PMFBP1: variants seen among roughly 807,000 people sequenced by gnomAD.
The protein encoded by PMFBP1 is polyamine-modulated factor 1-binding protein 1.
A neutral mutation model predicts 137.8 loss-of-function variants in PMFBP1; 131 were observed. That is an observed-to-expected ratio of 0.95 (90% CI 0.82 to 1.10). PMFBP1 has a LOEUF of 1.10. PMFBP1 is among the 50% of genes least tolerant of loss of function. PMFBP1 has a pLI of 0.00. For synonymous variants in PMFBP1, 490 were observed against 450.4 expected (o/e 1.09, Z -1.11); for missense variants, 1,199 against 1,175.4 (o/e 1.02, Z -0.29).
At chr16:72,191,373 G>A in the PMFBP1 span, among the ~76,000 whole-genome samples, 17 of 152,334 alleles carry the variant, frequency 1.1e-4, no homozygotes, top group South Asian at 2.5e-3. Flanking sequence ...TCAGGCACAT[G>A]CCACTAAAAA....
At chr16:72,192,669 G>A in the PMFBP1 span, among the ~76,000 whole-genome samples, 1 of 151,932 alleles carries the variant, frequency 6.6e-6, no homozygotes, top group African/African-American at 2.4e-5. Context: ...AGGCAGATCA[G>A]GAGATCAAGA....
the PMFBP1 span, among the ~76,000 whole-genome samples, chr16:72,194,631 G>A: frequency 1.3e-5 from 2 of 152,286 alleles, no homozygotes; most frequent in East Asian, 1.9e-4. Context: ...GTGGTATCTC[G>A]TGGTCAATAG....
At chr16:72,235,965 A>G in the PMFBP1 span, among the ~76,000 whole-genome samples, 1 of 152,084 alleles carries the variant, frequency 6.6e-6, no homozygotes, top group Non-Finnish European at 1.5e-5. Context: ...CTTCCTTTCC[A>G]ATCTGGAAGC....
intron 9 of PMFBP1, among the ~76,000 whole-genome samples, chr16:72,135,367 TTTTTTTTTTTTG>T: frequency 8.3e-6 from 1 of 120,116 alleles, no homozygotes; most frequent in Middle Eastern, 4.0e-3. Flanking sequence ...GTGTTTTTTT[TTTTTTTTTTTTG>T]TTGTTGTTGT....
intron 15 of PMFBP1, 148 bp downstream of exon 15, chr16:72,125,820 T>C (rs2042447001): frequency 1.1e-5 from 11 of 1,035,956 alleles, no homozygotes; most frequent in Non-Finnish European, 1.5e-5. Flanking sequence ...AAGCAGGCCT[T>C]CTCTGCACAG....
chr16:72,150,679 G>A lies in PMFBP1; in HGVS notation c.565C>T (p.Leu189=), dbSNP rs1298491895. The change falls in exon 5 of 21, where the codon CTG becomes TTG. Residue 189 remains leucine (L), a synonymous_variant. Transcript: ENST00000237353. ...NLYRDKYQSS[L]SNIELLECQV... Reference sequence around the variant, plus strand: ...CATTCTAGTAACTCGATGTTGCTCAGGGAAGACTGGTATTTATCCCTGTAG... The same window carrying A: ...CATTCTAGTAACTCGATGTTGCTCAAGGAAGACTGGTATTTATCCCTGTAG... 6.2e-7 allele frequency: 1 copy of A among 1,614,006 alleles called. No homozygotes were observed.
the PMFBP1 span, among the ~76,000 whole-genome samples, chr16:72,190,913 G>A: frequency 2.0e-5 from 3 of 152,178 alleles, no homozygotes; most frequent in African/African-American, 7.2e-5. Flanking sequence ...CGGAGTACCA[G>A]GCAAAGAGAA....
chr16:72,216,635 T>A, the PMFBP1 span, among the ~76,000 whole-genome samples: 1 of 152,188 alleles, frequency 6.6e-6, no homozygotes, highest in African/African-American at 2.4e-5. Flanking sequence ...CAGGAGAGAA[T>A]TAGCAGGTTT....
At chr16:72,226,142 T>C in the PMFBP1 span, among the ~76,000 whole-genome samples, 2 of 152,160 alleles carry the variant, frequency 1.3e-5, no homozygotes, top group African/African-American at 4.8e-5. Context: ...GCTACATATT[T>C]GTACGCTTTG....
In PMFBP1 at chr16:72,125,353, G is replaced by A. The variant is rs369827327; in HGVS notation, c.2306C>T (p.Thr769Ile). The part of the protein sequence containing the change: ...TKSLQQSLTQ[T>I]QEKKAQLEEE... ...TTCCAGCTGAGCTTTCTTCTCTTGG[G>A]TCTGTGTCAAGCTTTGCTGCAGGCT... is the stretch of plus-strand genomic sequence containing the variant. The change falls in exon 16 of 21, where the codon ACC (threonine) becomes ATC (isoleucine). Residue 769 changes from threonine (T) to isoleucine (I), a missense_variant. Physicochemically the swap from Thr to Ile is moderately conservative, Grantham distance 89. Coordinates refer to ENST00000237353, the MANE Select transcript of PMFBP1 (RefSeq NM_031293.3). 36 of 1,613,914 alleles carry A rather than the reference G, an allele frequency of 2.2e-5. No individual in the cohort carries two copies. The highest frequency in any genetic ancestry group is 2.8e-5 in the Non-Finnish European group (33 of 1,180,004).
At chr16:72,171,307 A>G (rs1567644933) in intron 1 of PMFBP1, 39 bp from the exon 2 acceptor site, 13 of 1,348,630 alleles carry the variant, frequency 9.6e-6, no homozygotes, top group Admixed American at 3.5e-5. Flanking sequence ...AAAAGTATAA[A>G]TGAGCCTCTG....
intron 16 of PMFBP1, 89 bp downstream of exon 16, chr16:72,125,149 A>C: frequency 6.7e-7 from 1 of 1,497,160 alleles, no homozygotes; most frequent in Non-Finnish European, 9.0e-7. Context: ...GCCCAAGGGA[A>C]TGACTTAGTG....
chr16:72,214,653 T>A, the PMFBP1 span, among the ~76,000 whole-genome samples: 1 of 152,128 alleles, frequency 6.6e-6, no homozygotes, highest in South Asian at 2.1e-4. Context: ...AAATGCATAA[T>A]AAAGACACAT....
chr16:72,201,229 T>A, the PMFBP1 span, among the ~76,000 whole-genome samples: 1 of 152,224 alleles, frequency 6.6e-6, no homozygotes, highest in Non-Finnish European at 1.5e-5. Context: ...ATGTCCTTGG[T>A]TCTCAGGCTT....
chr16:72,239,462 T>C, the PMFBP1 span, among the ~76,000 whole-genome samples: 3 of 152,344 alleles, frequency 2.0e-5, no homozygotes, highest in Admixed American at 1.3e-4. Flanking sequence ...TTTATATGCA[T>C]TTTCTTTTTT....
At chr16:72,164,036 C>CAACAACAAT (rs752477979) in intron 3 of PMFBP1, among the ~76,000 whole-genome samples, 1 of 49,434 alleles carries the variant, frequency 2.0e-5, no homozygotes, top group African/African-American at 2.6e-4. Context: ...ACTCATGTAA[C>CAACAACAAT]AACAACAACA....
At chr16:72,164,995 G>C in intron 2 of PMFBP1, 79 bp from the exon 3 acceptor site, 6 of 1,422,340 alleles carry the variant, frequency 4.2e-6, no homozygotes, top group Non-Finnish European at 5.6e-6. Flanking sequence ...CAGGTTGACA[G>C]AGACTTGAAA....
intron 9 of PMFBP1, among the ~76,000 whole-genome samples, chr16:72,133,681 G>T (rs2042582423): frequency 6.6e-6 from 1 of 152,146 alleles, no homozygotes. Flanking sequence ...ATACACCAGG[G>T]TTGTCGGGCG....
the PMFBP1 span, among the ~76,000 whole-genome samples, chr16:72,216,467 C>A: frequency 3.3e-5 from 5 of 152,186 alleles, no homozygotes; most frequent in South Asian, 8.3e-4. Flanking sequence ...AAGAAAAGAA[C>A]CAGAACATGC....
Sources: allele counts gnomAD v4.1 joint callset (sites outside exome capture counted in the v4.1 genomes callset), GRCh38; gene constraint gnomAD v4.1.1; transcripts MANE v1.5; gene names NCBI Gene and HGNC (gene_info 2026-07-23, HGNC 2026-07-21).